Variants in MGMT observed in about 807,000 individuals in gnomAD.
MGMT encodes methylated-DNA--protein-cysteine methyltransferase.
A neutral mutation model predicts 15.9 loss-of-function variants in MGMT; 14 were observed. That is an observed-to-expected ratio of 0.88 (90% CI 0.58 to 1.37). The LOEUF (loss-of-function observed/expected upper bound fraction) is 1.37. Among genes scored for constraint, MGMT ranks in the 40% most tolerant of loss-of-function variants. The probability of loss-of-function intolerance (pLI) is 0.00; values close to 1 mark genes in which losing one functional copy is unlikely to be tolerated. For missense variants in MGMT, 282 were observed against 268.1 expected (o/e 1.05, Z -0.36); for synonymous variants, 130 against 118.2 (o/e 1.10, Z -0.65).
chr10:129,653,456 A>ATT (rs1247602226), intron 2 of MGMT, among the ~76,000 whole-genome samples: 1 of 152,208 alleles, frequency 6.6e-6, no homozygotes, highest in Non-Finnish European at 1.5e-5. Context: ...ATGTGTGTGT[A>ATT]TTACTAATCA....
At chr10:129,468,246 T>C (rs1845192611) in intron 1 of MGMT, among the ~76,000 whole-genome samples, 1 of 152,186 alleles carries the variant, frequency 6.6e-6, no homozygotes, top group Non-Finnish European at 1.5e-5. Flanking sequence ...TCTCAATGGC[T>C]AAAACACTCT....
At chr10:129,529,590 C>T (rs1431098808) in intron 1 of MGMT, among the ~76,000 whole-genome samples, 1 of 152,200 alleles carries the variant, frequency 6.6e-6, no homozygotes, top group Non-Finnish European at 1.5e-5. Flanking sequence ...AGTGTTTTCT[C>T]ATCGTGATGG....
At chr10:129,534,371 T>C (rs1286097488) in intron 1 of MGMT, among the ~76,000 whole-genome samples, 1 of 152,036 alleles carries the variant, frequency 6.6e-6, no homozygotes, top group Non-Finnish European at 1.5e-5. Context: ...TTCTGGCACA[T>C]CCCATTTCCA....
At chr10:129,756,663 T>C (rs1848810726) in intron 3 of MGMT, among the ~76,000 whole-genome samples, 1 of 152,022 alleles carries the variant, frequency 6.6e-6, no homozygotes, top group Non-Finnish European at 1.5e-5. Flanking sequence ...AGAGATGGGG[T>C]TTCACCATAT....
At chr10:129,517,031 C>T (rs1208683474) in intron 1 of MGMT, among the ~76,000 whole-genome samples, 2 of 152,198 alleles carry the variant, frequency 1.3e-5, no homozygotes, top group African/African-American at 2.4e-5. Context: ...AACTGGTGTC[C>T]AGCAGTCAGC....
chr10:129,483,388 T>C lies in MGMT; in HGVS notation c.-13+16092T>C, dbSNP rs1054884248. 8.0e-5 allele frequency among the ~76,000 whole-genome samples: 10 copies of C among 125,574 alleles called. 1 individual carries two copies. Among genetic ancestry groups the C allele is most frequent in the Admixed American group, 8.0e-4 (10 of 12,564 alleles). 82.4% of individuals were successfully genotyped at this position (125,574 alleles called of 152,430 possible). On this transcript the variant is annotated intron_variant, in intron 1 of 4. Transcript: ENST00000651593. ...TCCTTTGTGTAGATCCTAGTTTCCA[T>C]TGAGTACCATTTTTTTTACACCTGA...
intron 3 of MGMT, among the ~76,000 whole-genome samples, chr10:129,731,686 G>A (rs1248082702): frequency 6.6e-6 from 1 of 152,082 alleles, no homozygotes; most frequent in Non-Finnish European, 1.5e-5. Flanking sequence ...GAGCCACCAC[G>A]CCCTGCCCTG....
chr10:129,560,998 T>TGTGTGTG (rs1564852420), intron 2 of MGMT, among the ~76,000 whole-genome samples: 27 of 146,980 alleles, frequency 1.8e-4, no homozygotes, highest in Non-Finnish European at 2.9e-4. Context: ...TGTGTGTGTG[T>TGTGTGTG]TCCTTTCCCA....
chr10:129,630,159 C>T (rs1847194080), intron 2 of MGMT, among the ~76,000 whole-genome samples: 1 of 152,210 alleles, frequency 6.6e-6, no homozygotes, highest in South Asian at 2.1e-4. Context: ...ACCCAAGGTG[C>T]TTGGTTAATA....
chr10:129,711,733 TGTC>T (rs1848235379), intron 3 of MGMT, among the ~76,000 whole-genome samples: 2 of 152,352 alleles, frequency 1.3e-5, no homozygotes, highest in African/African-American at 4.8e-5. Flanking sequence ...GCTAGCATCT[TGTC>T]GTACAACGTA....
At chr10:129,758,453 C>T (rs1848832193) in intron 3 of MGMT, among the ~76,000 whole-genome samples, 1 of 151,856 alleles carries the variant, frequency 6.6e-6, no homozygotes, top group Admixed American at 6.6e-5. Context: ...CTTCGCGTGC[C>T]CCAGTTTCTC....
chr10:129,515,266 C>G (rs529021722), intron 1 of MGMT, among the ~76,000 whole-genome samples: 1 of 152,218 alleles, frequency 6.6e-6, no homozygotes, highest in African/African-American at 2.4e-5. Context: ...GCCAAGGCCC[C>G]GTCAGGAGCA....
chr10:129,735,104 T>G (rs1213086969), intron 3 of MGMT, among the ~76,000 whole-genome samples: 3 of 152,214 alleles, frequency 2.0e-5, no homozygotes, highest in African/African-American at 4.8e-5. Context: ...TTCCCTCCTT[T>G]TCTATTGATT....
At chr10:129,563,208 C>G (rs890888480) in intron 2 of MGMT, among the ~76,000 whole-genome samples, 1 of 152,100 alleles carries the variant, frequency 6.6e-6, no homozygotes, top group Admixed American at 6.5e-5. Context: ...CATCATAAGT[C>G]GAGGCACATC....
At position 129,556,198 on chromosome 10, in the gene MGMT, T is replaced by A. The variant is rs1487671217; in HGVS notation, c.125+19821T>A. ...AGCAGTGCTTTCGGGATCGCTCTGT[T>A]GGTCTCTGTGTAGCACGTGGCCCCC... On this transcript the variant is annotated intron_variant, in intron 2 of 4. Coordinates refer to ENST00000651593, the MANE Select transcript of MGMT (RefSeq NM_002412.5). This position sits in a 1 kb window ranked among gnomAD's most constrained non-coding sequence, Gnocchi z 4.3. Among the ~76,000 whole-genome samples, 1 of 152,206 alleles carries A rather than the reference T, an allele frequency of 6.6e-6. No homozygotes were observed. The highest frequency in any genetic ancestry group is 1.5e-5 in the Non-Finnish European group (1 of 68,046).
At chr10:129,581,017 T>A (rs1263148970) in intron 2 of MGMT, among the ~76,000 whole-genome samples, 1 of 152,092 alleles carries the variant, frequency 6.6e-6, no homozygotes, top group East Asian at 1.9e-4. Context: ...ACAGTTGAAT[T>A]TGGATTCCTC....
chr10:129,599,865 T>C (rs1846797749), intron 2 of MGMT, among the ~76,000 whole-genome samples: 1 of 152,224 alleles, frequency 6.6e-6, no homozygotes, highest in Non-Finnish European at 1.5e-5. Context: ...AACTTAATTG[T>C]TGCCCATCTG....
chr10:129,589,711 G>A (rs1013074119), intron 2 of MGMT, among the ~76,000 whole-genome samples: 3 of 152,242 alleles, frequency 2.0e-5, no homozygotes, highest in African/African-American at 7.2e-5. Context: ...CCAAGGAAGG[G>A]CTGCTGGACA....
At chr10:129,513,171 G>A (rs1315413692) in intron 1 of MGMT, among the ~76,000 whole-genome samples, 1 of 152,138 alleles carries the variant, frequency 6.6e-6, no homozygotes, top group East Asian at 1.9e-4. Flanking sequence ...TACTATATGG[G>A]TCCACAGACA....
Sources: allele counts gnomAD v4.1 joint callset (sites outside exome capture counted in the v4.1 genomes callset), GRCh38; gene constraint gnomAD v4.1.1; non-coding constraint Gnocchi (gnomAD v3.1); transcripts MANE v1.5; gene names NCBI Gene and HGNC (gene_info 2026-07-23, HGNC 2026-07-21).